Variants in CACNA2D3 observed in about 807,000 individuals in gnomAD.
The protein encoded by CACNA2D3 is calcium voltage-gated channel auxiliary subunit alpha2delta 3.
Under a neutral mutation model 160.6 loss-of-function variants are expected in CACNA2D3, and 60 were observed. The observed-to-expected ratio is 0.37, with a 90% CI of 0.30 to 0.46. The LOEUF (loss-of-function observed/expected upper bound fraction) is 0.46, where lower values mean the gene tolerates loss of function less well. Among genes scored for constraint, CACNA2D3 ranks in the 20% least tolerant of loss-of-function variants. CACNA2D3 has a pLI of 1.00. For synonymous variants in CACNA2D3, 558 were observed against 492.9 expected (o/e 1.13, Z -1.75); for missense variants, 1,205 against 1,365.0 (o/e 0.88, Z 1.85).
chr3:54,719,461 G>A (rs1160534951), intron 11 of CACNA2D3, among the ~76,000 whole-genome samples: 1 of 151,712 alleles, frequency 6.6e-6, no homozygotes, highest in Non-Finnish European at 1.5e-5. Flanking sequence ...TACATTGTTT[G>A]ATTTTCAAAT....
intron 2 of CACNA2D3, among the ~76,000 whole-genome samples, chr3:54,134,955 G>A (rs1320185899): frequency 1.3e-5 from 2 of 152,234 alleles, no homozygotes; most frequent in Non-Finnish European, 2.9e-5. Flanking sequence ...TGGGGCCCTC[G>A]CAGCCGCCAC....
At position 54,503,355 on chromosome 3, in the gene CACNA2D3, A is replaced by G. The variant is rs190062544; in HGVS notation, c.382-137A>G. ...ATGCAAAAGCAGCCATGGACAGTAC[A>G]TAAGACATAAAAAGATTATGTGAGC... On this transcript the variant is annotated intron_variant, in intron 4 of 37. Coordinates refer to ENST00000474759, the MANE Select transcript of CACNA2D3 (RefSeq NM_018398.3). 7.8e-3 allele frequency: 5,539 copies of G among 706,426 alleles called. 37 individuals are homozygous for G. Among genetic ancestry groups the G allele is most frequent in the Non-Finnish European group, 0.011 (4,648 of 412,926 alleles). The allele number at this position is 706,426 out of a possible 1,614,324, so 43.8% of individuals were successfully genotyped here.
At chr3:54,502,096 G>A (rs1701304246) in intron 4 of CACNA2D3, among the ~76,000 whole-genome samples, 1 of 152,140 alleles carries the variant, frequency 6.6e-6, no homozygotes, top group African/African-American at 2.4e-5. Flanking sequence ...GTTTGAATAT[G>A]ATATGTGTAG....
At chr3:54,584,695 A>G (rs1318807253) in intron 9 of CACNA2D3, among the ~76,000 whole-genome samples, 1 of 152,238 alleles carries the variant, frequency 6.6e-6, no homozygotes, top group Non-Finnish European at 1.5e-5. Context: ...GCAAACTCCA[A>G]ATAGAATAAA....
chr3:54,338,467 C>CTCTGTGTG (rs996617901), intron 3 of CACNA2D3, among the ~76,000 whole-genome samples: 4 of 136,530 alleles, frequency 2.9e-5, no homozygotes, highest in African/African-American at 1.1e-4. Context: ...TCTCCCCTCC[C>CTCTGTGTG]TGTGTGTGTG....
intron 11 of CACNA2D3, among the ~76,000 whole-genome samples, chr3:54,737,758 G>C (rs1428676749): frequency 1.3e-5 from 2 of 152,180 alleles, no homozygotes; most frequent in African/African-American, 4.8e-5. Flanking sequence ...TCCGCCTCCT[G>C]GGTTCAAGCG....
chr3:54,712,739 C>T (rs1191092411), intron 11 of CACNA2D3, among the ~76,000 whole-genome samples: 1 of 152,180 alleles, frequency 6.6e-6, no homozygotes, highest in Admixed American at 6.5e-5. Context: ...CAGAGGCTGT[C>T]TGAATTTCTT....
chr3:54,129,339 C>G (rs1012369725), intron 2 of CACNA2D3, among the ~76,000 whole-genome samples: 1 of 152,162 alleles, frequency 6.6e-6, no homozygotes, highest in Non-Finnish European at 1.5e-5. Flanking sequence ...GAAAATAGTC[C>G]AGTTCATTTC....
At chr3:54,757,548 A>C (rs1175395007) in intron 12 of CACNA2D3, among the ~76,000 whole-genome samples, 3 of 152,212 alleles carry the variant, frequency 2.0e-5, no homozygotes, top group Non-Finnish European at 4.4e-5. Flanking sequence ...AAGAGAGGTG[A>C]AGGAAGGCAC....
At chr3:54,862,378 TAC>T (rs113055285) in intron 17 of CACNA2D3, among the ~76,000 whole-genome samples, 5,650 of 149,468 alleles carry the variant, frequency 0.038, 334 homozygotes, top group African/African-American at 0.12. Flanking sequence ...TAAATAAAAT[TAC>T]ACACACACAC....
intron 2 of CACNA2D3, among the ~76,000 whole-genome samples, chr3:54,157,327 G>A (rs546286209): frequency 3.9e-5 from 6 of 152,298 alleles, no homozygotes; most frequent in East Asian, 3.9e-4. Flanking sequence ...GGGCTTCAGC[G>A]TATGAATTTT....
intron 18 of CACNA2D3, among the ~76,000 whole-genome samples, chr3:54,876,060 A>G (rs909405351): frequency 6.6e-6 from 1 of 152,190 alleles, no homozygotes; most frequent in African/African-American, 2.4e-5. Context: ...ATATGGGCAC[A>G]TCAAAACTTG....
At chr3:54,323,463 CTTTTCTTTTT>C (rs1167618294) in intron 3 of CACNA2D3, among the ~76,000 whole-genome samples, 4 of 106,682 alleles carry the variant, frequency 3.7e-5, no homozygotes, top group Non-Finnish European at 6.7e-5. Flanking sequence ...TTTTCTTTTT[CTTTTCTTTTT>C]TTTTTTTTTT....
intron 27 of CACNA2D3, among the ~76,000 whole-genome samples, chr3:54,917,587 A>G (rs1437442919): frequency 6.6e-6 from 1 of 152,232 alleles, no homozygotes; most frequent in Non-Finnish European, 1.5e-5. Context: ...TGCGCTATGT[A>G]TGCAGATACA....
At chr3:54,179,996 C>T (rs539358536) in intron 2 of CACNA2D3, among the ~76,000 whole-genome samples, 1 of 151,544 alleles carries the variant, frequency 6.6e-6, no homozygotes, top group African/African-American at 2.4e-5. Context: ...AATTTCTTAG[C>T]CTTAATTTCT....
intron 27 of CACNA2D3, among the ~76,000 whole-genome samples, chr3:54,934,106 A>C (rs1417017955): frequency 6.6e-6 from 1 of 152,192 alleles, no homozygotes; most frequent in Non-Finnish European, 1.5e-5. Context: ...AAATTACAAA[A>C]CAGGGACGGA....
At chr3:54,163,993 A>G (rs770288206) in intron 2 of CACNA2D3, among the ~76,000 whole-genome samples, 1 of 152,232 alleles carries the variant, frequency 6.6e-6, no homozygotes, top group Non-Finnish European at 1.5e-5. Flanking sequence ...AGCCCACTGC[A>G]GGTACCTAAT....
intron 2 of CACNA2D3, among the ~76,000 whole-genome samples, chr3:54,226,905 A>G (rs1034852598): frequency 6.6e-5 from 10 of 152,188 alleles, no homozygotes; most frequent in African/African-American, 1.9e-4. Flanking sequence ...TACTTGATCT[A>G]GCTTTTCTAA....
At chr3:54,491,545 A>G (rs1701108519) in intron 4 of CACNA2D3, among the ~76,000 whole-genome samples, 1 of 152,152 alleles carries the variant, frequency 6.6e-6, no homozygotes, top group African/African-American at 2.4e-5. Flanking sequence ...GCCAGAGTTG[A>G]GAAGCACTGT....
Sources: allele counts gnomAD v4.1 joint callset (sites outside exome capture counted in the v4.1 genomes callset), GRCh38; gene constraint gnomAD v4.1.1; transcripts MANE v1.5; gene names NCBI Gene and HGNC (gene_info 2026-07-23, HGNC 2026-07-21).